The following ZNF578 variants were observed in gnomAD, a reference collection of about 807,000 sequenced individuals.
ZNF578 encodes the protein Putative chemokine-related protein B42.
A neutral mutation model predicts 8.3 loss-of-function variants in ZNF578; 8 were observed. The observed-to-expected ratio is 0.96, with a 90% CI of 0.56 to 1.74. The LOEUF is 1.74. Among genes scored for constraint, ZNF578 ranks in the 40% most tolerant of loss-of-function variants. The pLI, the probability that ZNF578 is intolerant of heterozygous loss-of-function variation, is 0.00. For synonymous variants in ZNF578, 206 were observed against 232.2 expected, an observed-to-expected ratio of 0.89 and a Z score of 1.03; for missense variants, 726 against 707.5, an observed-to-expected ratio of 1.03 and a Z score of -0.30.
intron 3 of ZNF578, among the ~76,000 whole-genome samples, chr19:52,496,621 G>C (rs1292155941): frequency 6.7e-6 from 1 of 149,536 alleles, no homozygotes; most frequent in Non-Finnish European, 1.5e-5. Context: ...GAGCCACCGC[G>C]CTCAGCCTCA....
At chr19:52,480,893 C>G (rs1453977843) in intron 2 of ZNF578, among the ~76,000 whole-genome samples, 1 of 134,790 alleles carries the variant, frequency 7.4e-6, no homozygotes, top group Non-Finnish European at 1.6e-5. Flanking sequence ...GAGACTCCAT[C>G]TCAAAAGATA....
chr19:52,475,307 G>A (rs541081432), intron 2 of ZNF578: 5 of 216,874 alleles, frequency 2.3e-5, no homozygotes, highest in South Asian at 8.2e-5. Context: ...ATTTATTAAC[G>A]TGAGTTTTCA....
intron 2 of ZNF578, among the ~76,000 whole-genome samples, chr19:52,489,859 T>C (rs1223646191): frequency 6.6e-6 from 1 of 152,032 alleles, no homozygotes; most frequent in East Asian, 2.0e-4. Flanking sequence ...GGTTTCACCT[T>C]GGTAGCCAGG....
intron 2 of ZNF578, among the ~76,000 whole-genome samples, chr19:52,459,451 A>C (rs2059249206): frequency 6.6e-6 from 1 of 151,980 alleles, no homozygotes; most frequent in Non-Finnish European, 1.5e-5. Context: ...AAAGCTGAAT[A>C]ATATTCCATT....
rs138769369 is a variant in ZNF578 at position 52,463,557 on chromosome 19, A to ATGAGTTC, written c.-122+6605_-122+6606insCTGAGTT. On this transcript the variant is annotated intron_variant, in intron 2 of 5. Transcript: ENST00000421239. ...CTGGAAGATTGGTATGTGCTAGGAC[A>ATGAGTTC]TGAGTTATATAGAAAAGAAATTCCC... 0.012 allele frequency among the ~76,000 whole-genome samples: 94 copies of ATGAGTTC among 7,702 alleles called. No individual in the cohort carries two copies. In the Non-Finnish European group the frequency reaches 0.25, roughly 20 times the overall value. The allele number at this position is 7,702 out of a possible 152,430, so 5.1% of individuals were successfully genotyped here.
intron 5 of ZNF578, among the ~76,000 whole-genome samples, chr19:52,506,708 G>A (rs1422329088): frequency 6.6e-6 from 1 of 152,044 alleles, no homozygotes; most frequent in African/African-American, 2.4e-5. Context: ...CTGATCTCTT[G>A]ATCCACCTGC....
intron 3 of ZNF578, among the ~76,000 whole-genome samples, chr19:52,494,854 C>T (rs1184259013): frequency 6.6e-6 from 1 of 152,128 alleles, no homozygotes; most frequent in Non-Finnish European, 1.5e-5. Flanking sequence ...TATTTTGAGA[C>T]AGGGTCTGGC....
Position 52,510,813 on chromosome 19 carries a change from A to C in ZNF578, c.432A>C (p.Gln144His), listed in dbSNP as rs777054855. 20 of 1,614,090 alleles carry C rather than the reference A, an allele frequency of 1.2e-5. No individual in the cohort carries two copies. The highest frequency in any genetic ancestry group is 1.7e-5 in the Admixed American group (1 of 60,004). ...ELMGSTDRHD[Q>H]RHAGNKPIKD... ...TGGGTAGCACAGACCGACATGATCA[A>C]AGGCATGCTGGAAACAAGCCTATTA... Residue 144 changes from glutamine (Q) to histidine (H), a missense_variant, in exon 6 of 6, where the codon CAA becomes CAC. Gln to His is a conservative substitution (Grantham distance 24, BLOSUM62 0). Coordinates refer to ENST00000421239, the MANE Select transcript of ZNF578 (RefSeq NM_001099694.2).
At position 52,467,356 on chromosome 19, in the gene ZNF578, G is replaced by A. The variant is rs559044794; in HGVS notation, c.-122+10398G>A. Reference sequence around the variant, plus strand: ...TATCTGTTAGTAACTTGTTGAGCCCGGGAGGTGGAGGTTGTGGTGAGCTGA... The same window carrying A: ...TATCTGTTAGTAACTTGTTGAGCCCAGGAGGTGGAGGTTGTGGTGAGCTGA... On this transcript the variant is annotated intron_variant, in intron 2 of 5. Transcript: ENST00000421239. Among the ~76,000 whole-genome samples, 7 of 152,122 alleles carry A rather than the reference G, an allele frequency of 4.6e-5. No individual in the cohort carries two copies. The South Asian group carries it at 8.3e-4, about 18-fold the overall frequency.
At chr19:52,508,080 C>T (rs1305384446) in intron 5 of ZNF578, among the ~76,000 whole-genome samples, 1 of 151,904 alleles carries the variant, frequency 6.6e-6, no homozygotes, top group Non-Finnish European at 1.5e-5. Flanking sequence ...GGCACGGTGG[C>T]TCATGCCTGT....
rs1315619769 is a variant in ZNF578 at position 52,511,077 on chromosome 19, A to G, written c.696A>G (p.Gln232=). The G allele has an allele frequency of 1.9e-6, 3 of 1,614,228 alleles. No individual in the cohort carries two copies. The highest frequency in any genetic ancestry group is 2.7e-5 in the African/African-American group (2 of 75,076). Residue 232 remains glutamine (Q), a synonymous_variant, in exon 6 of 6, where the codon CAA becomes CAG. Transcript: ENST00000421239. ...QEVHMREKSF[Q]CNETGEAFNC... The stretch of plus-strand genomic sequence containing the variant: ...TACACATGAGAGAAAAATCTTTCCA[A>G]TGTAATGAGACTGGCGAAGCCTTTA...
intron 2 of ZNF578, among the ~76,000 whole-genome samples, chr19:52,481,765 C>G (rs1044508205): frequency 2.6e-5 from 4 of 152,256 alleles, no homozygotes; most frequent in Non-Finnish European, 2.9e-5. Context: ...CAGGCCTGCT[C>G]TATCTCCCAG....
chr19:52,492,668 G>GT (rs2059369908), intron 3 of ZNF578, among the ~76,000 whole-genome samples: 3 of 152,258 alleles, frequency 2.0e-5, no homozygotes, highest in South Asian at 4.1e-4. Flanking sequence ...TGCCTGCCAG[G>GT]CCAAGTGATG....
rs1402699495 is a variant in ZNF578 at position 52,513,909 on chromosome 19, C to T, written c.*1755C>T. Among the ~76,000 whole-genome samples, 2 of 151,966 alleles carry T rather than the reference C, an allele frequency of 1.3e-5. No individual in the cohort carries two copies. The highest frequency in any genetic ancestry group is 2.9e-5 in the Non-Finnish European group (2 of 68,000). ...GGGTGGGGGTGTGCACCTTTAGTTCCAGCTACTTGGGACACTGAGGCATGA... is the reference window on the plus strand; with the variant it reads ...GGGTGGGGGTGTGCACCTTTAGTTCTAGCTACTTGGGACACTGAGGCATGA... On this transcript the variant is annotated 3_prime_UTR_variant, in exon 6 of 6. Transcript: ENST00000421239.
At chr19:52,500,447 C>T (rs139109117) in intron 3 of ZNF578, among the ~76,000 whole-genome samples, 1 of 149,854 alleles carries the variant, frequency 6.7e-6, no homozygotes, top group Non-Finnish European at 1.5e-5. Context: ...CATTTTGTCA[C>T]CCAGGCTGGA....
At chr19:52,453,909 A>T (rs1258839933) in intron 1 of ZNF578, 2 of 152,184 alleles carry the variant, frequency 1.3e-5, no homozygotes, top group Admixed American at 6.6e-5. Flanking sequence ...ATTCACGCCC[A>T]GTGGGTCCTC....
intron 2 of ZNF578, among the ~76,000 whole-genome samples, chr19:52,476,618 C>G (rs2059309111): frequency 6.6e-6 from 1 of 152,194 alleles, no homozygotes; most frequent in Admixed American, 6.5e-5. Context: ...TGTAAGTCTG[C>G]TATCCCATGC....
chr19:52,507,927 T>G (rs768674994), intron 5 of ZNF578, among the ~76,000 whole-genome samples: 1 of 152,112 alleles, frequency 6.6e-6, no homozygotes, highest in African/African-American at 2.4e-5. Context: ...CACATGCCTG[T>G]AATCCCAGCT....
Position 52,510,772 on chromosome 19 carries a change from A to G in ZNF578, c.391A>G (p.Lys131Glu), listed in dbSNP as rs1255151072. Reference sequence around the variant, plus strand: ...AAATGGCCATGAAGCATCCATGCCAAAAATCAAAGAGTTGATGGGTAGCAC... The same window carrying G: ...AAATGGCCATGAAGCATCCATGCCAGAAATCAAAGAGTTGATGGGTAGCAC... The part of the protein sequence containing the change: ...ERNGHEASMP[K>E]IKELMGSTDR... The change falls in exon 6 of 6, where the codon AAA (lysine) becomes GAA (glutamate). Residue 131 changes from lysine to glutamate, a missense_variant. By Grantham distance (56) the Lys-to-Glu change is moderately conservative. Coordinates refer to ENST00000421239, the MANE Select transcript of ZNF578 (RefSeq NM_001099694.2). 2.5e-6 allele frequency: 4 copies of G among 1,612,908 alleles called. No individual in the cohort carries two copies. The African/African-American group carries it at 4.0e-5, about 16-fold the overall frequency.
Sources: allele counts gnomAD v4.1 joint callset (sites outside exome capture counted in the v4.1 genomes callset), GRCh38; gene constraint gnomAD v4.1.1; transcripts MANE v1.5; gene names NCBI Gene and HGNC (gene_info 2026-07-23, HGNC 2026-07-21).